WDPCP: variants seen among roughly 807,000 people sequenced by gnomAD.
WDPCP encodes WD repeat-containing and planar cell polarity effector protein fritz homolog.
A neutral mutation model predicts 93.1 loss-of-function variants in WDPCP; 71 were observed. The observed-to-expected ratio is 0.76, with a 90% CI of 0.63 to 0.93. The LOEUF (loss-of-function observed/expected upper bound fraction) is 0.93. Ranked by LOEUF, WDPCP falls within the 40% of genes least tolerant of loss-of-function variation. WDPCP has a pLI of 0.00. For missense variants in WDPCP, 844 were observed against 887.4 expected, an observed-to-expected ratio of 0.95 and a Z score of 0.62; for synonymous variants, 315 against 315.0, an observed-to-expected ratio of 1.00 and a Z score of 0.00.
At chr2:63,236,726 G>A (rs1005067307) in intron 14 of WDPCP, among the ~76,000 whole-genome samples, 1 of 152,022 alleles carries the variant, frequency 6.6e-6, no homozygotes, top group Non-Finnish European at 1.5e-5. Context: ...TAAGCAATGG[G>A]GAAAGGACTC....
At chr2:63,485,317 C>A (rs1355301922) in intron 4 of WDPCP, among the ~76,000 whole-genome samples, 4 of 146,042 alleles carry the variant, frequency 2.7e-5, no homozygotes, top group Non-Finnish European at 6.0e-5. Context: ...ATTAAATGTT[C>A]AATCCAAAAG....
At chr2:63,302,988 C>T (rs1685447573) in intron 13 of WDPCP, among the ~76,000 whole-genome samples, 1 of 152,164 alleles carries the variant, frequency 6.6e-6, no homozygotes, top group African/African-American at 2.4e-5. Context: ...GTGAGGGCCA[C>T]AAAATCAGAA....
intron 1 of WDPCP, among the ~76,000 whole-genome samples, chr2:63,537,180 G>A (rs1043995733): frequency 4.5e-4 from 68 of 152,128 alleles, no homozygotes; most frequent in African/African-American, 1.6e-3. Context: ...AATTTGTGCC[G>A]CCTTTACTAC....
intron 12 of WDPCP, among the ~76,000 whole-genome samples, chr2:63,330,488 C>T (rs192327675): frequency 7.2e-5 from 11 of 151,988 alleles, no homozygotes; most frequent in Non-Finnish European, 1.5e-4. Flanking sequence ...ACTCCCTTCC[C>T]AGCTATATGG....
At chr2:63,452,845 C>T (rs182903416) in intron 6 of WDPCP, among the ~76,000 whole-genome samples, 18 of 152,162 alleles carry the variant, frequency 1.2e-4, no homozygotes, top group African/African-American at 3.6e-4. Flanking sequence ...AATGGGGAAA[C>T]AACTCCCTAT....
At position 63,588,231 on chromosome 2, in the gene WDPCP, G is replaced by T; in HGVS notation, c.41C>A (p.Ala14Asp). 6.3e-7 allele frequency: 1 copy of T among 1,577,052 alleles called. No homozygotes were observed. The highest frequency in any genetic ancestry group is 1.2e-5 in the South Asian group (1 of 86,584). ...GAGTGGGGAAGAAGCGCGACTCCCG[G>T]CCGCTTTGGAGTAGGCGTCCCAGCA... ...EFCWDAYSKA[A>D]GSRASSPLPR... The change falls in exon 1 of 18, where the codon GCC (alanine) becomes GAC (aspartate). Residue 14 changes from alanine to aspartate, a missense_variant. By Grantham distance (126) the Ala-to-Asp change is moderately radical (BLOSUM62 -2). Coordinates refer to ENST00000272321, the MANE Select transcript of WDPCP (RefSeq NM_015910.7).
chr2:63,727,629 C>A (rs564455001), intron 2 of WDPCP, among the ~76,000 whole-genome samples: 1 of 152,256 alleles, frequency 6.6e-6, no homozygotes, highest in East Asian at 1.9e-4. Context: ...GTATTTGTGC[C>A]AACTCTTATT....
intron 9 of WDPCP, 78 bp from the exon 10 acceptor site, chr2:63,404,735 T>A: frequency 6.4e-7 from 1 of 1,562,246 alleles, no homozygotes; most frequent in South Asian, 1.1e-5. Flanking sequence ...GCATATTTAT[T>A]CAGAAACCTA....
chr2:63,334,479 G>T (rs1380922570), intron 12 of WDPCP, among the ~76,000 whole-genome samples: 1 of 152,144 alleles, frequency 6.6e-6, no homozygotes, highest in Non-Finnish European at 1.5e-5. Flanking sequence ...AACTGGAGAT[G>T]GGGAGGGGAC....
intron 12 of WDPCP, among the ~76,000 whole-genome samples, chr2:63,328,608 C>T (rs1379937465): frequency 4.6e-5 from 7 of 152,300 alleles, no homozygotes; most frequent in South Asian, 2.1e-4. Flanking sequence ...TCACTGCGAG[C>T]GTCCGCGGCT....
At chr2:63,430,640 T>C (rs1274668147) in intron 9 of WDPCP, among the ~76,000 whole-genome samples, 1 of 152,196 alleles carries the variant, frequency 6.6e-6, no homozygotes, top group Non-Finnish European at 1.5e-5. Flanking sequence ...TCCCAGCACT[T>C]TGGGAGGCCG....
chr2:63,378,663 AAAAC>A (rs1419067342), intron 11 of WDPCP, among the ~76,000 whole-genome samples, 154 bp from the exon 12 acceptor site: 1 of 152,126 alleles, frequency 6.6e-6, no homozygotes, highest in African/African-American at 2.4e-5. Flanking sequence ...AGCTGGTACA[AAAAC>A]AAACCTGTGT....
intron 12 of WDPCP, among the ~76,000 whole-genome samples, chr2:63,316,778 A>AGATTC (rs1315318438): frequency 1.3e-5 from 2 of 152,190 alleles, no homozygotes; most frequent in African/African-American, 4.8e-5. Flanking sequence ...TCAGATGATA[A>AGATTC]GATTCTATAC....
intron 2 of WDPCP, among the ~76,000 whole-genome samples, chr2:63,720,019 T>G (rs1575757049): frequency 2.0e-5 from 3 of 152,298 alleles, no homozygotes; most frequent in Admixed American, 2.0e-4. Flanking sequence ...GATGGGTAAT[T>G]GACCTTTTTC....
intron 1 of WDPCP, among the ~76,000 whole-genome samples, chr2:63,551,957 TTC>T (rs1263054033): frequency 6.9e-6 from 1 of 144,400 alleles, no homozygotes; most frequent in African/African-American, 2.5e-5. Context: ...TGCTTTCATT[TTC>T]TTTTTTTTTT....
At chr2:63,187,623 C>G (rs1172271556) in intron 14 of WDPCP, among the ~76,000 whole-genome samples, 1 of 152,156 alleles carries the variant, frequency 6.6e-6, no homozygotes, top group Non-Finnish European at 1.5e-5. Flanking sequence ...CCATTTCCCC[C>G]CTTATGTTAT....
At chr2:63,476,828 G>A (rs942893082) in intron 6 of WDPCP, among the ~76,000 whole-genome samples, 2 of 152,094 alleles carry the variant, frequency 1.3e-5, no homozygotes, top group African/African-American at 4.8e-5. Flanking sequence ...TACAATTAAG[G>A]GAGTTGTGAT....
At chr2:63,600,283 A>G (rs898766294) in intron 3 of WDPCP, among the ~76,000 whole-genome samples, 1 of 152,168 alleles carries the variant, frequency 6.6e-6, no homozygotes, top group Non-Finnish European at 1.5e-5. Flanking sequence ...TTTCCATTTA[A>G]TTTTTATAGT....
At chr2:63,344,069 G>C (rs866505125) in intron 12 of WDPCP, among the ~76,000 whole-genome samples, 1 of 151,850 alleles carries the variant, frequency 6.6e-6, no homozygotes, top group Non-Finnish European at 1.5e-5. Context: ...ATGTGAATGG[G>C]CCATACCTTC....
Sources: gnomAD v4.1 joint callset for allele counts (sites outside exome capture counted in the v4.1 genomes callset) on GRCh38, gnomAD v4.1.1 for gene constraint, MANE v1.5 for transcripts, NCBI Gene and HGNC (gene_info 2026-07-23, HGNC 2026-07-21) for gene names.